The following EIF2B3 variants were observed in gnomAD, a reference collection of about 807,000 sequenced individuals.
The protein encoded by EIF2B3 is eukaryotic translation initiation factor 2B subunit gamma.
In EIF2B3, 20 loss-of-function variants were observed where a neutral mutation model predicts 54.1. The ratio of observed to expected loss-of-function variants is 0.37; its 90% confidence interval spans 0.26 to 0.54. EIF2B3 has a LOEUF of 0.54. Ranked by LOEUF, EIF2B3 falls within the 20% of genes least tolerant of loss-of-function variation. EIF2B3 has a pLI of 0.86. For synonymous variants in EIF2B3, 153 were observed against 188.1 expected, an observed-to-expected ratio of 0.81 and a Z score of 1.52; for missense variants, 448 against 547.8, an observed-to-expected ratio of 0.82 and a Z score of 1.82.
chr1:44,984,794 C>CTT (rs1644552141), intron 1 of EIF2B3, among the ~76,000 whole-genome samples: 1 of 90,816 alleles, frequency 1.1e-5, no homozygotes, highest in African/African-American at 6.8e-5. Flanking sequence ...AAATAATGTC[C>CTT]ATCTTTTTTT....
chr1:44,894,302 T>C (rs1239694180), intron 6 of EIF2B3, among the ~76,000 whole-genome samples: 1 of 152,164 alleles, frequency 6.6e-6, no homozygotes, highest in African/African-American at 2.4e-5. Flanking sequence ...ACTTGTAAAA[T>C]GTGTACAGTT....
At chr1:44,975,554 A>G (rs1249329176) in intron 3 of EIF2B3, among the ~76,000 whole-genome samples, 1 of 152,270 alleles carries the variant, frequency 6.6e-6, no homozygotes, top group Admixed American at 6.5e-5. Flanking sequence ...TAGAAAAGGT[A>G]CAGTAAAAAT....
Position 44,857,715 on chromosome 1 carries a change from A to G in EIF2B3, c.1295T>C (p.Ile432Thr), listed in dbSNP as rs1341459099. 1.1e-5 allele frequency: 18 copies of G among 1,614,152 alleles called. No individual in the cohort carries two copies. The highest frequency in any genetic ancestry group is 1.5e-5 in the Non-Finnish European group (18 of 1,179,998). The change falls in exon 11 of 12, where the codon ATT (isoleucine) becomes ACT (threonine). Residue 432 changes from isoleucine to threonine, a missense_variant. Transcript: ENST00000360403. ...GTAATCTGGTTTACCTTTGGCTTCA[A>G]TCCTCTGGCCACTTCCAATCAAGCA... is the stretch of plus-strand genomic sequence containing the variant. The part of the protein sequence containing the change: ...KDCLIGSGQR[I>T]EAKAKRVNEV...
chr1:44,856,861 G>C (rs1654448372), intron 11 of EIF2B3, among the ~76,000 whole-genome samples: 1 of 152,198 alleles, frequency 6.6e-6, no homozygotes, highest in South Asian at 2.1e-4. Flanking sequence ...CTAGAGTGCA[G>C]TGGTGCGATC....
chr1:44,892,326 TC>T (rs1340765470), intron 6 of EIF2B3, among the ~76,000 whole-genome samples: 1 of 152,100 alleles, frequency 6.6e-6, no homozygotes, highest in Non-Finnish European at 1.5e-5. Context: ...ACACTTGTAA[TC>T]CCAGCTCTTT....
At chr1:44,918,683 A>C (rs1643677449) in intron 5 of EIF2B3, among the ~76,000 whole-genome samples, 1 of 152,130 alleles carries the variant, frequency 6.6e-6, no homozygotes, top group African/African-American at 2.4e-5. Context: ...AAGCCACTGC[A>C]CCTAACCAAT....
At chr1:44,902,441 C>T (rs529418350) in intron 5 of EIF2B3, among the ~76,000 whole-genome samples, 1 of 152,136 alleles carries the variant, frequency 6.6e-6, no homozygotes, top group East Asian at 1.9e-4. Context: ...CTGCAGTGAG[C>T]TATGATTGCA....
At chr1:44,869,566 A>T (rs2148898723) in intron 10 of EIF2B3, among the ~76,000 whole-genome samples, 1 of 148,022 alleles carries the variant, frequency 6.8e-6, no homozygotes, top group African/African-American at 2.5e-5. Context: ...TTTTATAATG[A>T]GAAAATCAGG....
At chr1:44,878,583 T>C (rs1342216128) in intron 8 of EIF2B3, among the ~76,000 whole-genome samples, 5 of 151,700 alleles carry the variant, frequency 3.3e-5, no homozygotes, top group Non-Finnish European at 7.4e-5. Flanking sequence ...TTTTCAACAA[T>C]TTCTTTTATA....
intron 11 of EIF2B3, among the ~76,000 whole-genome samples, chr1:44,851,912 A>G (rs572738026): frequency 1.7e-4 from 26 of 150,960 alleles, no homozygotes; most frequent in African/African-American, 6.1e-4. Flanking sequence ...TTCATTTCCC[A>G]CTATTCTCCA....
chr1:44,952,231 G>A lies in EIF2B3; in HGVS notation c.295-10566C>T, dbSNP rs1228551801. 2.0e-4 allele frequency among the ~76,000 whole-genome samples: 22 copies of A among 111,908 alleles called. 4 individuals carry two copies. Among genetic ancestry groups the A allele is most frequent in the Non-Finnish European group, 3.8e-4 (19 of 50,034 alleles). The allele number at this position is 111,908 out of a possible 152,430, so 73.4% of individuals were successfully genotyped here. A position where few individuals can be genotyped will look rare whatever the true frequency, so the allele number is the denominator to read the frequency against. ...GCCCGCCTCGGCCTCCCAAAGTGCT[G>A]GGATTACAGGCGTGAGCCACCGCGC... On this transcript the variant is annotated intron_variant, in intron 3 of 11. Coordinates refer to ENST00000360403, the MANE Select transcript of EIF2B3 (RefSeq NM_020365.5).
chr1:44,876,025 A>G (rs2148902029), intron 8 of EIF2B3, among the ~76,000 whole-genome samples: 1 of 152,296 alleles, frequency 6.6e-6, no homozygotes, highest in South Asian at 2.1e-4. Flanking sequence ...ACCGCGAGTG[A>G]TCCGCCAGCC....
chr1:44,929,174 A>C (rs773773255), intron 4 of EIF2B3, among the ~76,000 whole-genome samples: 3 of 152,248 alleles, frequency 2.0e-5, no homozygotes, highest in Non-Finnish European at 2.9e-5. Context: ...CAACAACCAC[A>C]TAAAGCAATG....
chr1:44,961,004 T>A (rs903753492), intron 3 of EIF2B3, among the ~76,000 whole-genome samples: 5 of 151,820 alleles, frequency 3.3e-5, no homozygotes, highest in Admixed American at 2.6e-4. Flanking sequence ...AAAAGATTTT[T>A]AAAAATATAT....
At chr1:44,932,116 AACACACACACAC>A (rs59619203) in intron 4 of EIF2B3, among the ~76,000 whole-genome samples, 2 of 148,428 alleles carry the variant, frequency 1.3e-5, no homozygotes, top group Non-Finnish European at 1.5e-5. Context: ...TCTCAAAACG[AACACACACACAC>A]ACACACACAC....
chr1:44,959,372 G>T (rs771661617), intron 3 of EIF2B3: 1 of 551,124 alleles, frequency 1.8e-6, no homozygotes, highest in Non-Finnish European at 3.3e-6. Flanking sequence ...TTCTAGCAGG[G>T]CCTTCAAAGT....
intron 10 of EIF2B3, 145 bp downstream of exon 10, chr1:44,874,533 T>A (rs1655057649): frequency 1.2e-6 from 1 of 828,120 alleles, no homozygotes; most frequent in Admixed American, 3.1e-5. Context: ...AGACTTTTGA[T>A]ATCTGAAAAT....
intron 4 of EIF2B3, among the ~76,000 whole-genome samples, chr1:44,936,933 C>T (rs1037070237): frequency 3.9e-5 from 6 of 152,114 alleles, no homozygotes; most frequent in Non-Finnish European, 5.9e-5. Flanking sequence ...CACTTTACAA[C>T]AGAAGAAAAT....
intron 5 of EIF2B3, among the ~76,000 whole-genome samples, chr1:44,902,828 T>TGAA (rs1643336619): frequency 8.4e-5 from 1 of 11,924 alleles, no homozygotes; most frequent in African/African-American, 2.8e-4. Context: ...GACTCTTTCT[T>TGAA]TAAAAAAAAA....
Sources: gnomAD v4.1 joint callset for allele counts (sites outside exome capture counted in the v4.1 genomes callset) on GRCh38, gnomAD v4.1.1 for gene constraint, MANE v1.5 for transcripts, NCBI Gene and HGNC (gene_info 2026-07-23, HGNC 2026-07-21) for gene names.